GABBR1: variants seen among roughly 807,000 people sequenced by gnomAD.
GABBR1 encodes gamma-aminobutyric acid type B receptor subunit 1, also known as GABA-B receptor, R1 subunit.
A neutral mutation model predicts 117.7 loss-of-function variants in GABBR1; 35 were observed. The observed-to-expected ratio is 0.30, with a 90% CI of 0.23 to 0.39. GABBR1 has a LOEUF of 0.39. Among genes scored for constraint, GABBR1 ranks in the 10% least tolerant of loss-of-function variants. The pLI, the probability that GABBR1 is intolerant of heterozygous loss-of-function variation, is 1.00. For synonymous variants in GABBR1, 442 were observed against 486.6 expected, an observed-to-expected ratio of 0.91 and a Z score of 1.21; for missense variants, 709 against 1,241.8, an observed-to-expected ratio of 0.57 and a Z score of 6.45.
In GABBR1 at chr6:29,605,073, T is replaced by A; in HGVS notation, c.2440-85A>T. On this transcript the variant is annotated intron_variant, in intron 20 of 22. Coordinates refer to ENST00000377034, the MANE Select transcript of GABBR1 (RefSeq NM_001470.4). The surrounding 1 kb of genome is among the most constrained non-coding windows in gnomAD (Gnocchi z 4.2). The stretch of plus-strand genomic sequence containing the variant: ...TTTACTTCCCATGGGAGGGAGTCTA[T>A]GCAGACAGTTTCCTGGTGAACTTTC... The A allele has an allele frequency of 1.5e-6, 2 of 1,362,936 alleles. No individual in the cohort carries two copies. The highest frequency in any genetic ancestry group is 2.0e-6 in the Non-Finnish European group (2 of 1,011,832). The allele number at this position is 1,362,936 out of a possible 1,614,324, so 84.4% of individuals were successfully genotyped here. A position where few individuals can be genotyped will look rare whatever the true frequency, so the allele number is the denominator to read the frequency against.
At chr6:29,612,704 G>T in intron 12 of GABBR1, 90 bp from the exon 13 acceptor site, 1 of 1,133,112 alleles carries the variant, frequency 8.8e-7, no homozygotes, top group African/African-American at 1.5e-5. Flanking sequence ...TTCTGTTTTT[G>T]ATGTAATTGA....
In GABBR1 at chr6:29,623,443, T is replaced by A. The variant is rs760984351; in HGVS notation, c.825A>T (p.Ser275=). The change falls in exon 8 of 23, where the codon TCA becomes TCT. Residue 275 remains serine (S), a synonymous_variant. Coordinates refer to ENST00000377034, the MANE Select transcript of GABBR1 (RefSeq NM_001470.4). The surrounding 1 kb of genome is among the most constrained non-coding windows in gnomAD (Gnocchi z 6.2). ...LSYGSSSPAL[S]NRQRFPTFFR... ...AGAAAGTGGGGAAACGCTGCCGGTT[T>A]GACAGGGCTGGTGAGCTGGAGCCAT... 3 of 1,613,938 alleles carry A rather than the reference T, an allele frequency of 1.9e-6. No homozygotes were observed. The highest frequency in any genetic ancestry group is 2.2e-5 in the South Asian group (2 of 91,056).
chr6:29,604,434 A>G lies in GABBR1; in HGVS notation c.2712+60T>C. The G allele has an allele frequency of 6.2e-7, 1 of 1,606,410 alleles. No individual in the cohort carries two copies. Among genetic ancestry groups the G allele is most frequent in the Non-Finnish European group, 8.5e-7 (1 of 1,174,386 alleles). ...CTCAGGCTTGGCTTCAGACAACCCA[A>G]GCTAAGACGCAAGCCTCCTGGACCA... On this transcript the variant is annotated intron_variant, in intron 22 of 22. Transcript: ENST00000377034. The surrounding 1 kb of genome is among the most constrained non-coding windows in gnomAD (Gnocchi z 5.3).
rs1378733427 is a variant in GABBR1 at position 29,621,379 on chromosome 6, G to T, written c.1132-87C>A. ...CACTTGATACTATTTAGCCTCTTGG[G>T]AATCAGGGAAGAGCAGTAGAACTAA... is the stretch of plus-strand genomic sequence containing the variant. On this transcript the variant is annotated intron_variant, in intron 10 of 22. Transcript: ENST00000377034. This position sits in a 1 kb window ranked among gnomAD's most constrained non-coding sequence, Gnocchi z 5.0. 9.5e-7 allele frequency: 1 copy of T among 1,055,462 alleles called. No individual in the cohort carries two copies. The allele number at this position is 1,055,462 out of a possible 1,614,324, so 65.4% of individuals were successfully genotyped here. A position where few individuals can be genotyped will look rare whatever the true frequency, so the allele number is the denominator to read the frequency against.
Position 29,605,894 on chromosome 6 carries a change from T to C in GABBR1, c.2312-198A>G. On this transcript the variant is annotated intron_variant, in intron 19 of 22. Transcript: ENST00000377034. This position sits in a 1 kb window ranked among gnomAD's most constrained non-coding sequence, Gnocchi z 4.2. ...CCCAACTTGCCCAGACCACATCACTTTTTCCTGGGATTCACACAGGAAAGC... is the reference window on the plus strand; with the variant it reads ...CCCAACTTGCCCAGACCACATCACTCTTTCCTGGGATTCACACAGGAAAGC... 1.6e-6 allele frequency: 1 copy of C among 607,330 alleles called. No homozygotes were observed. Among genetic ancestry groups the C allele is most frequent in the Non-Finnish European group, 2.9e-6 (1 of 347,790 alleles). The allele number at this position is 607,330 out of a possible 1,614,324, so 37.6% of individuals were successfully genotyped here. A position where few individuals can be genotyped will look rare whatever the true frequency, so the allele number is the denominator to read the frequency against.
At chr6:29,608,577 G>A (rs1363400685) in intron 16 of GABBR1, 24 bp downstream of exon 16, 2 of 1,609,822 alleles carry the variant, frequency 1.2e-6, no homozygotes, top group Admixed American at 1.7e-5. Context: ...CATCCTGTAA[G>A]GAATTTGCCC....
chr6:29,604,860 C>T lies in GABBR1; in HGVS notation c.2568G>A (p.Lys856=). ...YITLVVLFVP[K]MRRLITRGEW... is the part of the protein sequence containing the mutation. ...GGTGGGAGAAAAGCCAGATCCTTAC[C>T]TTGGGCACAAAGAGCACAACAAGAG... is the stretch of plus-strand genomic sequence containing the variant. The change falls in exon 21 of 23, where the codon AAG becomes AAA. Residue 856 remains lysine, a splice_region_variant and synonymous_variant. Transcript: ENST00000377034. The surrounding 1 kb of genome is among the most constrained non-coding windows in gnomAD (Gnocchi z 5.3). 1 of 1,611,756 alleles carries T rather than the reference C, an allele frequency of 6.2e-7. No individual in the cohort carries two copies. The highest frequency in any genetic ancestry group is 2.2e-5 in the East Asian group (1 of 44,874).
rs1388321285 is a variant in GABBR1 at position 29,611,506 on chromosome 6, G to T, written c.1631-505C>A. Among the ~76,000 whole-genome samples, 2 of 152,154 alleles carry T rather than the reference G, an allele frequency of 1.3e-5. No homozygotes were observed. The highest frequency in any genetic ancestry group is 2.9e-5 in the Non-Finnish European group (2 of 68,028). ...TTGAGTAAAATTTGGTCATTTCTAAGATTTCTGTTCTAGAACTGTTTCCGT... is the reference window on the plus strand; with the variant it reads ...TTGAGTAAAATTTGGTCATTTCTAATATTTCTGTTCTAGAACTGTTTCCGT... On this transcript the variant is annotated intron_variant, in intron 13 of 22. Coordinates refer to ENST00000377034, the MANE Select transcript of GABBR1 (RefSeq NM_001470.4). The surrounding 1 kb of genome is among the most constrained non-coding windows in gnomAD (Gnocchi z 4.6).
Position 29,621,931 on chromosome 6 carries a change from G to T in GABBR1, c.1066-114C>A. The T allele has an allele frequency of 1.8e-6, 2 of 1,133,088 alleles. No homozygotes were observed. Among genetic ancestry groups the T allele is most frequent in the Non-Finnish European group, 2.6e-6 (2 of 759,826 alleles). 70.2% of individuals were successfully genotyped at this position (1,133,088 alleles called of 1,614,324 possible). ...CCCAAAGTGCTTAGTGCAGGGTAAC[G>T]CTCAACGTATAGTGAATAAACGTCA... On this transcript the variant is annotated intron_variant, in intron 9 of 22. Coordinates refer to ENST00000377034, the MANE Select transcript of GABBR1 (RefSeq NM_001470.4). The surrounding 1 kb of genome is among the most constrained non-coding windows in gnomAD (Gnocchi z 5.0).
In GABBR1 at chr6:29,627,636, T is replaced by C. The variant is rs1324245557; in HGVS notation, c.507A>G (p.Ala169=). 5 of 1,553,188 alleles carry C rather than the reference T, an allele frequency of 3.2e-6. No individual in the cohort carries two copies. The highest frequency in any genetic ancestry group is 4.3e-6 in the Non-Finnish European group (5 of 1,153,248). Residue 169 remains alanine, a synonymous_variant, in exon 6 of 23, where the codon GCA becomes GCG. Coordinates refer to ENST00000377034, the MANE Select transcript of GABBR1 (RefSeq NM_001470.4). The surrounding 1 kb of genome is among the most constrained non-coding windows in gnomAD (Gnocchi z 4.4). ...TGGGAAACAGTGCCCCGATGTACAC[T>C]GCGCGCCGTTCTGAGGAGGGGTGCG... ...VNRTPHSERR[A]VYIGALFPMS... is the part of the protein sequence containing the mutation.
Position 29,602,486 on chromosome 6 carries a change from T to G in GABBR1, c.*1057A>C, listed in dbSNP as rs559353158. The G allele has an allele frequency of 6.4e-6, 1 of 156,786 alleles. No homozygotes were observed. Among genetic ancestry groups the G allele is most frequent in the African/African-American group, 2.4e-5 (1 of 41,458 alleles). The allele number at this position is 156,786 out of a possible 1,614,324, so 9.7% of individuals were successfully genotyped here. On this transcript the variant is annotated 3_prime_UTR_variant, in exon 23 of 23. Transcript: ENST00000377034. Reference sequence around the variant, plus strand: ...GGGAGCAGTCTTGGGAGAAGATGATTGTGAGTGTAGACTGAGGGTAGTACA... The same window carrying G: ...GGGAGCAGTCTTGGGAGAAGATGATGGTGAGTGTAGACTGAGGGTAGTACA...
chr6:29,610,348 G>A (rs901775764), intron 14 of GABBR1, among the ~76,000 whole-genome samples: 2 of 152,000 alleles, frequency 1.3e-5, no homozygotes, highest in South Asian at 2.1e-4. Flanking sequence ...TGCACTGTTC[G>A]GGTGACAGGC....
Position 29,627,928 on chromosome 6 carries a change from G to C in GABBR1, c.497-282C>G. 1 of 1,358,442 alleles carries C rather than the reference G, an allele frequency of 7.4e-7. No individual in the cohort carries two copies. The highest frequency in any genetic ancestry group is 9.4e-7 in the Non-Finnish European group (1 of 1,064,698). 84.1% of individuals were successfully genotyped at this position (1,358,442 alleles called of 1,614,324 possible). A position where few individuals can be genotyped will look rare whatever the true frequency, so the allele number is the denominator to read the frequency against. On this transcript the variant is annotated intron_variant, in intron 5 of 22. Transcript: ENST00000377034. This position sits in a 1 kb window ranked among gnomAD's most constrained non-coding sequence, Gnocchi z 4.4. ...GTGGGGAGGAGGGGGCGAGGGCCCC[G>C]GAGAAGCAGGGAAGGTTGGCTTCCT...
Position 29,627,730 on chromosome 6 carries a change from G to A in GABBR1, c.497-84C>T. 2.0e-6 allele frequency: 3 copies of A among 1,514,224 alleles called. No individual in the cohort carries two copies. Among genetic ancestry groups the A allele is most frequent in the Admixed American group, 2.1e-5 (1 of 47,014 alleles). 93.8% of individuals were successfully genotyped at this position (1,514,224 alleles called of 1,614,324 possible). A position where few individuals can be genotyped will look rare whatever the true frequency, so the allele number is the denominator to read the frequency against. On this transcript the variant is annotated intron_variant, in intron 5 of 22. Transcript: ENST00000377034. The surrounding 1 kb of genome is among the most constrained non-coding windows in gnomAD (Gnocchi z 4.4). ...GGCCCACACCGGAGCCACCCCTGCC[G>A]CCATCACAACCAGAAGCGGCAGTGG...
chr6:29,605,950 G>C lies in GABBR1; in HGVS notation c.2312-254C>G, dbSNP rs1243980119. The C allele has an allele frequency of 7.0e-6, 4 of 573,530 alleles. No individual in the cohort carries two copies. The highest frequency in any genetic ancestry group is 2.9e-5 in the East Asian group (1 of 34,684). 35.5% of individuals were successfully genotyped at this position (573,530 alleles called of 1,614,324 possible). On this transcript the variant is annotated intron_variant, in intron 19 of 22. Coordinates refer to ENST00000377034, the MANE Select transcript of GABBR1 (RefSeq NM_001470.4). This position sits in a 1 kb window ranked among gnomAD's most constrained non-coding sequence, Gnocchi z 4.2. ...TGGCAAGCTGCTGTCAGTCAGGCAA[G>C]GGCTTGTTGAATATCTAGAAATAGG...
rs757538966 is a variant in GABBR1 at position 29,608,610 on chromosome 6, G to A, written c.1983C>T (p.Phe661=). ...GYHIGRNQFP[F]VCQARLWLLG... is the part of the protein sequence containing the mutation. ...CCCACCACCTCCTCACCTGGCAGAC[G>A]AAAGGAAACTGGTTCCTCCCAATGT... is the stretch of plus-strand genomic sequence containing the variant. The change falls in exon 16 of 23, where the codon TTC becomes TTT. Residue 661 remains phenylalanine, a synonymous_variant. Transcript: ENST00000377034. 3.7e-6 allele frequency: 6 copies of A among 1,612,626 alleles called. No homozygotes were observed. The highest frequency in any genetic ancestry group is 3.3e-5 in the Admixed American group (2 of 59,954).
In GABBR1 at chr6:29,621,033, C is replaced by G; in HGVS notation, c.1323+68G>C. Reference sequence around the variant, plus strand: ...CCGCACCCTCTCCCTGCCACCCTTTCCCCTGCAAGGCCCCCTCAGTCCTCT... The same window carrying G: ...CCGCACCCTCTCCCTGCCACCCTTTGCCCTGCAAGGCCCCCTCAGTCCTCT... On this transcript the variant is annotated intron_variant, in intron 11 of 22. Transcript: ENST00000377034. The surrounding 1 kb of genome is among the most constrained non-coding windows in gnomAD (Gnocchi z 5.0). 1 of 1,414,924 alleles carries G rather than the reference C, an allele frequency of 7.1e-7. No individual in the cohort carries two copies. The highest frequency in any genetic ancestry group is 9.7e-7 in the Non-Finnish European group (1 of 1,030,988). The allele number at this position is 1,414,924 out of a possible 1,614,324, so 87.6% of individuals were successfully genotyped here.
At chr6:29,614,981 C>CA (rs202165362) in intron 11 of GABBR1, among the ~76,000 whole-genome samples, 44,855 of 80,988 alleles carry the variant, frequency 0.55, 12,472 homozygotes, top group Non-Finnish European at 0.58. Context: ...TAAAACTGCT[C>CA]AAAAAAAAAA....
rs1011898164 is a variant in GABBR1, at chr6:29,616,720, A to G, written c.1324-3235T>C. Among the ~76,000 whole-genome samples the G allele has an allele frequency of 5.9e-5, 9 of 151,746 alleles. No homozygotes were observed. In the East Asian group the frequency reaches 1.7e-3, roughly 29 times the overall value. On this transcript the variant is annotated intron_variant, in intron 11 of 22. Coordinates refer to ENST00000377034, the MANE Select transcript of GABBR1 (RefSeq NM_001470.4). ...AAAAAAGTTAGCCAGACTTGGTGGC[A>G]TATGTCTGTGATCCCAGCTTACTTG...
Sources: gnomAD v4.1 joint callset for allele counts (sites outside exome capture counted in the v4.1 genomes callset) on GRCh38, gnomAD v4.1.1 for gene constraint, Gnocchi (gnomAD v3.1) non-coding constraint, MANE v1.5 for transcripts, NCBI Gene and HGNC (gene_info 2026-07-23, HGNC 2026-07-21) for gene names.